FN1: variants seen among roughly 807,000 people sequenced by gnomAD.
FN1 encodes the protein fibronectin 1, also known as fibronectin.
A neutral mutation model predicts 297.3 loss-of-function variants in FN1; 106 were observed. That is an observed-to-expected ratio of 0.36 (90% CI 0.30 to 0.42). The LOEUF is 0.42. FN1 is among the 10% of genes least tolerant of loss of function. The pLI, the probability that FN1 is intolerant of heterozygous loss-of-function variation, is 1.00. For missense variants in FN1, 2,690 were observed against 3,124.9 expected (o/e 0.86, Z 3.32); for synonymous variants, 1,149 against 1,152.6 (o/e 1.00, Z 0.06).
At chr2:215,380,300 ATG>A (rs1408750998) in intron 33 of FN1, 1 of 168,420 alleles carries the variant, frequency 5.9e-6, no homozygotes, top group Admixed American at 5.6e-5. Flanking sequence ...ATAAAGTATT[ATG>A]GAAAGCAATT....
chr2:215,416,731 C>A (rs1375778433), intron 12 of FN1, among the ~76,000 whole-genome samples: 1 of 152,074 alleles, frequency 6.6e-6, no homozygotes, highest in Non-Finnish European at 1.5e-5. Flanking sequence ...CATAAATGAC[C>A]TTTACTGTTC....
chr2:215,415,063 A>G, intron 12 of FN1, 105 bp from the exon 13 acceptor site: 1 of 813,888 alleles, frequency 1.2e-6, no homozygotes, highest in Non-Finnish European at 2.1e-6. Context: ...GCTTGTCGTT[A>G]AATGTGAGTA....
intron 44 of FN1, among the ~76,000 whole-genome samples, chr2:215,363,819 A>C (rs1039918186): frequency 2.0e-5 from 3 of 152,194 alleles, no homozygotes; most frequent in African/African-American, 7.2e-5. Flanking sequence ...AAGGCTTATT[A>C]TTTTTTGTTA....
At chr2:215,402,850 A>G (rs1238217176) in intron 20 of FN1, among the ~76,000 whole-genome samples, 2 of 152,212 alleles carry the variant, frequency 1.3e-5, no homozygotes, top group Admixed American at 6.5e-5. Context: ...TATATCCAAT[A>G]TATCAGTCTT....
rs2062294467 is a variant in FN1 at position 215,409,646 on chromosome 2, G to A, written c.2216C>T (p.Ser739Phe). 6.2e-7 allele frequency: 1 copy of A among 1,613,844 alleles called. No individual in the cohort carries two copies. Among genetic ancestry groups the A allele is most frequent in the Non-Finnish European group, 8.5e-7 (1 of 1,179,932 alleles). ...TEITASSFVV[S>F]WVSASDTVSG... ...CACGGTGTCGGAAGCTGAGACCCAGGAGACCACAAAGCTACTGGCTGTGAT... is the reference window on the plus strand; with the variant it reads ...CACGGTGTCGGAAGCTGAGACCCAGAAGACCACAAAGCTACTGGCTGTGAT... Residue 739 changes from serine (S) to phenylalanine (F), a missense_variant, in exon 15 of 46, where the codon TCC (serine) becomes TTC (phenylalanine). Physicochemically the swap from Ser to Phe is radical, Grantham distance 155. Coordinates refer to ENST00000354785, the MANE Select transcript of FN1 (RefSeq NM_212482.4).
chr2:215,400,487 C>T (rs1343994182), intron 20 of FN1, among the ~76,000 whole-genome samples: 2 of 151,958 alleles, frequency 1.3e-5, no homozygotes, highest in South Asian at 2.1e-4. Flanking sequence ...CGCAGTGGCT[C>T]ATGCCTGTAA....
chr2:215,419,459 G>A (rs1193232238), intron 11 of FN1, 74 bp from the exon 12 acceptor site: 15 of 1,249,946 alleles, frequency 1.2e-5, no homozygotes, highest in Non-Finnish European at 1.8e-5. Context: ...GGGTGCTAGA[G>A]CATACATTTA....
intron 43 of FN1, 51 bp downstream of exon 43, chr2:215,365,454 T>G (rs2054340021): frequency 1.3e-6 from 2 of 1,584,886 alleles, no homozygotes; most frequent in Non-Finnish European, 1.7e-6. Flanking sequence ...AGCCTGATAA[T>G]GAAAGTGAGA....
At chr2:215,401,794 T>C (rs935709175) in intron 20 of FN1, among the ~76,000 whole-genome samples, 1 of 152,230 alleles carries the variant, frequency 6.6e-6, no homozygotes, top group Non-Finnish European at 1.5e-5. Flanking sequence ...AGCCATTTTT[T>C]ATTTTTATTT....
chr2:215,411,839 T>G, intron 13 of FN1, among the ~76,000 whole-genome samples: 1 of 151,984 alleles, frequency 6.6e-6, no homozygotes. Flanking sequence ...GCTAATTTTT[T>G]TGTATTTTTA....
rs770471043 is a variant in FN1, at chr2:215,409,896, C to T, written c.2122+38G>A. 6 of 1,612,592 alleles carry T rather than the reference C, an allele frequency of 3.7e-6. No homozygotes were observed. The East Asian group carries it at 1.3e-4, about 36-fold the overall frequency. On this transcript the variant is annotated intron_variant, in intron 14 of 45. Transcript: ENST00000354785. Reference sequence around the variant, plus strand: ...CTCAGGAGAGCCTAGCTCTAGGAACCTCGGGGGTAGGAGGCATGAGGGTGG... The same window carrying T: ...CTCAGGAGAGCCTAGCTCTAGGAACTTCGGGGGTAGGAGGCATGAGGGTGG...
chr2:215,402,649 AATATAAGCTTC>A (rs910980193), intron 20 of FN1, among the ~76,000 whole-genome samples: 2 of 152,246 alleles, frequency 1.3e-5, no homozygotes, highest in Admixed American at 1.3e-4. Context: ...AGTTTATTTA[AATATAAGCTTC>A]ATTTAGCTGT....
rs1384500007 is a variant in FN1 at position 215,393,127 on chromosome 2, G to A, written c.3873C>T (p.Asn1291=). Residue 1291 remains asparagine, a synonymous_variant, in exon 25 of 46, where the codon AAC becomes AAT. Transcript: ENST00000354785. ...SSIGLRWTPL[N]SSTIIGYRIT... is the part of the protein sequence containing the mutation. Reference sequence around the variant, plus strand: ...TGCGGTACCCAATAATGGTGGAAGAGTTTAGCGGGGTCCACCTCAGGCCGA... The same window carrying A: ...TGCGGTACCCAATAATGGTGGAAGAATTTAGCGGGGTCCACCTCAGGCCGA... The A allele has an allele frequency of 6.2e-7, 1 of 1,613,934 alleles. No homozygotes were observed. Among genetic ancestry groups the A allele is most frequent in the East Asian group, 2.2e-5 (1 of 44,888 alleles).
chr2:215,376,484 A>T lies in FN1; in HGVS notation c.5887+14T>A, dbSNP rs1307333285. 2 of 1,612,856 alleles carry T rather than the reference A, an allele frequency of 1.2e-6. No individual in the cohort carries two copies. Among genetic ancestry groups the T allele is most frequent in the Middle Eastern group, 1.7e-4 (1 of 6,054 alleles). ...TTTGTTAACAAATGTGGTTAGTGCA[A>T]TGAGTTCCCTGACCTGTGATGGTGT... On this transcript the variant is annotated intron_variant, in intron 36 of 45. Coordinates refer to ENST00000354785, the MANE Select transcript of FN1 (RefSeq NM_212482.4).
chr2:215,382,230 C>T lies in FN1; in HGVS notation c.5146G>A (p.Val1716Ile). The T allele has an allele frequency of 6.2e-7, 1 of 1,613,084 alleles. No homozygotes were observed. The highest frequency in any genetic ancestry group is 8.5e-7 in the Non-Finnish European group (1 of 1,179,078). Reference sequence around the variant, plus strand: ...TACGTACTGGTTACTGCAGTCTGAACCAGAGGCTGACTCTCTCCGCTTGGA... The same window carrying T: ...TACGTACTGGTTACTGCAGTCTGAATCAGAGGCTGACTCTCTCCGCTTGGA... ...QNPSGESQPLVQTAVTNIDRP... is the reference protein window; with the variant it reads ...QNPSGESQPLIQTAVTNIDRP... Residue 1716 changes from valine to isoleucine, a missense_variant, in exon 32 of 46, where the codon GTT becomes ATT. Val to Ile is a conservative substitution (Grantham distance 29, BLOSUM62 3). Coordinates refer to ENST00000354785, the MANE Select transcript of FN1 (RefSeq NM_212482.4).
At chr2:215,425,725 TTTG>T (rs1310172788) in intron 6 of FN1, among the ~76,000 whole-genome samples, 1 of 152,038 alleles carries the variant, frequency 6.6e-6, no homozygotes, top group Non-Finnish European at 1.5e-5. Context: ...GCTGATTTTT[TTTG>T]TATTTTTTAG....
At chr2:215,423,627 T>C in intron 8 of FN1, 101 bp from the exon 9 acceptor site, 1 of 1,016,018 alleles carries the variant, frequency 9.8e-7, no homozygotes, top group Non-Finnish European at 1.5e-6. Flanking sequence ...CTGCAGCTCA[T>C]TCACAGACAG....
intron 12 of FN1, among the ~76,000 whole-genome samples, chr2:215,415,677 T>C (rs556749443): frequency 7.9e-5 from 12 of 152,270 alleles, no homozygotes; most frequent in South Asian, 4.1e-4. Flanking sequence ...CTTTATGAAG[T>C]GTATACTAAA....
chr2:215,380,973 A>G lies in FN1; in HGVS notation c.5272T>C (p.Ser1758Pro). 1 of 1,614,220 alleles carries G rather than the reference A, an allele frequency of 6.2e-7. No homozygotes were observed. Among genetic ancestry groups the G allele is most frequent in the Non-Finnish European group, 8.5e-7 (1 of 1,180,036 alleles). ...GQVSRYRVTY[S>P]SPEDGIHELF... ...TCATGGATTCCATCCTCAGGGCTCG[A>G]GTAGGTCACCCTGTACCTGGAAACT... is the stretch of plus-strand genomic sequence containing the variant. The change falls in exon 33 of 46, where the codon TCG (serine) becomes CCG (proline). Residue 1758 changes from serine to proline, a missense_variant. Physicochemically the swap from Ser to Pro is moderately conservative, Grantham distance 74. Around this residue, in one of 3 missense-constraint regions of FN1, gnomAD observed 1,743 missense variants for 1,945.2 expected, o/e 0.90. Transcript: ENST00000354785.
Sources: gnomAD v4.1 joint callset for allele counts (sites outside exome capture counted in the v4.1 genomes callset) on GRCh38, gnomAD v4.1.1 for gene constraint, gnomAD v4.1.1 regional missense constraint, MANE v1.5 for transcripts, NCBI Gene and HGNC (gene_info 2026-07-23, HGNC 2026-07-21) for gene names.